FOXP2: variants seen among roughly 807,000 people sequenced by gnomAD.
FOXP2 encodes forkhead box protein P2.
A neutral mutation model predicts 115.8 loss-of-function variants in FOXP2; 12 were observed. That is an observed-to-expected ratio of 0.10 (90% CI 0.07 to 0.17). The LOEUF (loss-of-function observed/expected upper bound fraction) is 0.17, where lower values mean the gene tolerates loss of function less well. Ranked by LOEUF, FOXP2 falls within the 10% of genes least tolerant of loss-of-function variation. The pLI is 1.00. For missense variants in FOXP2, 629 were observed against 843.5 expected (o/e 0.75, Z 3.15); for synonymous variants, 328 against 297.7 (o/e 1.10, Z -1.05).
chr7:114,429,947 C>T (rs1350008119), intron 2 of FOXP2, among the ~76,000 whole-genome samples: 2 of 151,546 alleles, frequency 1.3e-5, no homozygotes, highest in Non-Finnish European at 3.0e-5. Context: ...AAATCTTTAA[C>T]CCTGATAATT....
intron 1 of FOXP2, among the ~76,000 whole-genome samples, chr7:114,167,162 G>T (rs1793004734): frequency 6.6e-6 from 1 of 152,128 alleles, no homozygotes; most frequent in South Asian, 2.1e-4. Context: ...TTTAACTAGG[G>T]TAACTTGGTT....
upstream of FOXP2, among the ~76,000 whole-genome samples, chr7:114,412,291 G>A (rs1286640754): frequency 6.6e-6 from 1 of 152,092 alleles, no homozygotes; most frequent in African/African-American, 2.4e-5. Flanking sequence ...ACTATGTAAT[G>A]TAATGTAGTC....
At chr7:114,282,558 C>T (rs1796365959) in intron 1 of FOXP2, among the ~76,000 whole-genome samples, 1 of 152,102 alleles carries the variant, frequency 6.6e-6, no homozygotes, top group African/African-American at 2.4e-5. Context: ...ATTCCCATGC[C>T]TGTCTAGTTT....
intron 1 of FOXP2, among the ~76,000 whole-genome samples, chr7:114,132,574 TGTGTGTGTGAGAGA>T (rs1448549505): frequency 1.7e-4 from 18 of 108,530 alleles, no homozygotes; most frequent in East Asian, 9.6e-4. Flanking sequence ...TGTGTGTGTG[TGTGTGTGTGAGAGA>T]GAGAGAGAGA....
chr7:114,249,972 C>A (rs541813755), intron 1 of FOXP2, among the ~76,000 whole-genome samples: 2 of 137,970 alleles, frequency 1.4e-5, no homozygotes, highest in East Asian at 5.1e-4. Context: ...CAACAGGCCC[C>A]GGTGTGTGAT....
intron 7 of FOXP2, among the ~76,000 whole-genome samples, 187 bp downstream of exon 7, chr7:114,642,810 A>AT (rs1277733394): frequency 0.017 from 1,255 of 75,376 alleles, 32 homozygotes; most frequent in Middle Eastern, 0.024. Flanking sequence ...ATATATATAT[A>AT]TATTTTTTTT....
At chr7:114,491,039 C>T (rs368693115) in intron 2 of FOXP2, among the ~76,000 whole-genome samples, 35 of 152,134 alleles carry the variant, frequency 2.3e-4, no homozygotes, top group African/African-American at 7.0e-4. Context: ...GATGGCTGGG[C>T]CAAATGGTAT....
chr7:114,144,874 T>G (rs1792324522), intron 1 of FOXP2, among the ~76,000 whole-genome samples: 1 of 152,160 alleles, frequency 6.6e-6, no homozygotes, highest in Admixed American at 6.5e-5. Context: ...ATCAAAAGGA[T>G]GATAGTATTA....
chr7:114,295,086 G>A (rs1222848549), intron 2 of FOXP2, among the ~76,000 whole-genome samples: 4 of 151,976 alleles, frequency 2.6e-5, no homozygotes, highest in African/African-American at 7.3e-5. Flanking sequence ...TTAAACTTGT[G>A]GCTTGGAACT....
At chr7:114,556,255 A>T (rs917434393) in intron 3 of FOXP2, among the ~76,000 whole-genome samples, 11 of 152,168 alleles carry the variant, frequency 7.2e-5, no homozygotes, top group African/African-American at 2.7e-4. Flanking sequence ...ATAATCAGAG[A>T]TGCCAACAAG....
intron 1 of FOXP2, among the ~76,000 whole-genome samples, chr7:114,176,179 TTCTTGTCTTG>T (rs67055887): frequency 0.14 from 20,295 of 145,342 alleles, 1,486 homozygotes; most frequent in African/African-American, 0.18. Flanking sequence ...GATTTCTCTT[TTCTTGTCTTG>T]TCTTGTCTTG....
At chr7:114,114,967 G>T (rs1791363290) in intron 1 of FOXP2, among the ~76,000 whole-genome samples, 2 of 152,052 alleles carry the variant, frequency 1.3e-5, no homozygotes, top group South Asian at 4.1e-4. Flanking sequence ...GTGTAAAATA[G>T]AACATTACTT....
chr7:114,431,928 G>A (rs138776525), intron 2 of FOXP2, among the ~76,000 whole-genome samples: 2 of 151,980 alleles, frequency 1.3e-5, no homozygotes, highest in African/African-American at 4.8e-5. Flanking sequence ...CTGTTGAACT[G>A]AAGGAAAGAA....
intron 3 of FOXP2, among the ~76,000 whole-genome samples, chr7:114,555,038 G>A (rs1208272694): frequency 6.6e-6 from 1 of 152,064 alleles, no homozygotes; most frequent in Admixed American, 6.6e-5. Flanking sequence ...GAAGACCAAG[G>A]AATCAACCAG....
At chr7:114,451,682 C>T (rs1795079144) in intron 2 of FOXP2, among the ~76,000 whole-genome samples, 1 of 151,976 alleles carries the variant, frequency 6.6e-6, no homozygotes, top group Non-Finnish European at 1.5e-5. Flanking sequence ...TTACCTAGCA[C>T]AGTATTTGGC....
intron 2 of FOXP2, among the ~76,000 whole-genome samples, chr7:114,514,826 C>A (rs989706159): frequency 6.6e-6 from 1 of 151,708 alleles, no homozygotes; most frequent in African/African-American, 2.4e-5. Flanking sequence ...ATTAACTCAT[C>A]ATTTAGCATT....
intron 1 of FOXP2, among the ~76,000 whole-genome samples, chr7:114,145,748 A>T (rs1289967767): frequency 6.6e-6 from 1 of 152,156 alleles, no homozygotes; most frequent in Admixed American, 6.6e-5. Flanking sequence ...TGCAGAGAAC[A>T]TATATGCAAT....
At chr7:114,208,248 A>C (rs1794251180) in intron 1 of FOXP2, among the ~76,000 whole-genome samples, 1 of 152,168 alleles carries the variant, frequency 6.6e-6, no homozygotes, top group Admixed American at 6.5e-5. Context: ...CTGGAGTCAA[A>C]GGAGATCATT....
intron 3 of FOXP2, among the ~76,000 whole-genome samples, chr7:114,615,641 C>T (rs1174688103): frequency 6.6e-6 from 1 of 152,212 alleles, no homozygotes; most frequent in Non-Finnish European, 1.5e-5. Flanking sequence ...TCTCTGGTGT[C>T]AGCTTTCCCC....
Sources: allele counts gnomAD v4.1 joint callset (sites outside exome capture counted in the v4.1 genomes callset), GRCh38; gene constraint gnomAD v4.1.1; transcripts MANE v1.5; gene names NCBI Gene and HGNC (gene_info 2026-07-23, HGNC 2026-07-21).